Variants in TIMM23 observed in about 807,000 individuals in gnomAD.
The protein encoded by TIMM23 is mitochondrial import inner membrane translocase subunit Tim23.
A neutral mutation model predicts 30.7 loss-of-function variants in TIMM23; 19 were observed. The ratio of observed to expected loss-of-function variants is 0.62; its 90% CI spans 0.43 to 0.91. The LOEUF is 0.91. Ranked by LOEUF, TIMM23 falls within the 40% of genes least tolerant of loss-of-function variation. TIMM23 has a pLI of 0.00. For synonymous variants in TIMM23, 78 were observed against 98.5 expected (o/e 0.79, Z 1.23); for missense variants, 202 against 269.2 (o/e 0.75, Z 1.75).
chr10:45,987,486 C>G (rs1371669517), intron 5 of TIMM23, among the ~76,000 whole-genome samples: 2 of 152,140 alleles, frequency 1.3e-5, no homozygotes, highest in Non-Finnish European at 2.9e-5. Flanking sequence ...GGTTATTTTA[C>G]CTGTGCTTCT....
chr10:46,001,864 G>A (rs1161607411), intron 6 of TIMM23, among the ~76,000 whole-genome samples: 3 of 152,152 alleles, frequency 2.0e-5, no homozygotes, highest in Admixed American at 6.5e-5. Flanking sequence ...ATAACCATAA[G>A]CAGTTAGGCC....
intron 1 of TIMM23, among the ~76,000 whole-genome samples, chr10:45,973,464 GA>G (rs1242787427): frequency 6.6e-6 from 1 of 152,070 alleles, no homozygotes; most frequent in East Asian, 1.9e-4. Flanking sequence ...AAGCCTTTAC[GA>G]AAGTACTTTC....
intron 1 of TIMM23, 149 bp downstream of exon 1, chr10:45,972,879 G>A: frequency 7.0e-7 from 1 of 1,434,670 alleles, no homozygotes; most frequent in Non-Finnish European, 9.3e-7. Context: ...GTATCTGCAT[G>A]GCTGCTCTTT....
intron 6 of TIMM23, among the ~76,000 whole-genome samples, chr10:45,994,010 T>G (rs1838251852): frequency 6.6e-6 from 1 of 151,854 alleles, no homozygotes; most frequent in African/African-American, 2.4e-5. Flanking sequence ...TGAAATGAAA[T>G]GATGAAGTAA....
intron 6 of TIMM23, among the ~76,000 whole-genome samples, chr10:45,994,213 C>T (rs1590127289): frequency 6.6e-6 from 1 of 151,952 alleles, no homozygotes; most frequent in Non-Finnish European, 1.5e-5. Context: ...ATAGCGGGTG[C>T]CTGTAATCCC....
In TIMM23 at chr10:45,999,396, A is replaced by G. The variant is rs947597826; in HGVS notation, c.515-3807A>G. On this transcript the variant is annotated intron_variant, in intron 6 of 6. Coordinates refer to ENST00000580018, the MANE Select transcript of TIMM23 (RefSeq NM_006327.4). ...TTTCTATTTTCCTTAAGCGTCAGCC[A>G]GCTTGAGAAATAAAGGGACAGGGTA... is the stretch of plus-strand genomic sequence containing the variant. Among the ~76,000 whole-genome samples, 720 of 152,206 alleles carry G rather than the reference A, an allele frequency of 4.7e-3. 5 individuals are homozygous for G. The highest frequency in any genetic ancestry group is 0.019 in the East Asian group (97 of 5,166).
intron 6 of TIMM23, chr10:45,992,380 C>T (rs1311729751): frequency 2.2e-6 from 1 of 455,398 alleles, no homozygotes; most frequent in Non-Finnish European, 4.4e-6. Flanking sequence ...TGTCCTAGAT[C>T]TCTTTGAGGG....
intron 6 of TIMM23, among the ~76,000 whole-genome samples, chr10:45,991,381 G>C (rs1441813510): frequency 1.3e-5 from 2 of 152,202 alleles, no homozygotes; most frequent in African/African-American, 4.8e-5. Context: ...AAATAGATTG[G>C]AGGTAGAAGC....
intron 6 of TIMM23, among the ~76,000 whole-genome samples, chr10:46,001,099 C>G (rs1838518975): frequency 6.6e-6 from 1 of 152,228 alleles, no homozygotes; most frequent in African/African-American, 2.4e-5. Flanking sequence ...ACTTTCAGCT[C>G]TGCAGCTTTT....
At chr10:45,985,506 T>G in intron 5 of TIMM23, 65 bp downstream of exon 5, 1 of 1,583,540 alleles carries the variant, frequency 6.3e-7, no homozygotes, top group Non-Finnish European at 8.7e-7. Context: ...CATGAACAAT[T>G]TGATCAACCC....
chr10:45,985,282 C>T (rs1397626755), intron 4 of TIMM23, 101 bp from the exon 5 acceptor site: 21 of 1,335,204 alleles, frequency 1.6e-5, no homozygotes, highest in East Asian at 6.9e-5. Flanking sequence ...AAAAACTTTG[C>T]GCCCTGGGTC....
intron 2 of TIMM23, among the ~76,000 whole-genome samples, chr10:45,977,802 T>C (rs35282847): frequency 1.3e-5 from 2 of 151,872 alleles, no homozygotes; most frequent in African/African-American, 4.8e-5. Flanking sequence ...GAGGCTGAGG[T>C]GGGTAGATCA....
Position 45,978,959 on chromosome 10 carries a change from AAAAG to A in TIMM23, c.165+3450_165+3453del, listed in dbSNP as rs1223551997. Reference sequence around the variant, plus strand: ...CAATGGAATATTATTTGGTAATAAAAAAAGAATTATTAAATTGTGCTACAATATA... The same window carrying A: ...CAATGGAATATTATTTGGTAATAAAAAATTATTAAATTGTGCTACAATATA... On this transcript the variant is annotated intron_variant, in intron 2 of 6. Transcript: ENST00000580018. 2.0e-4 allele frequency among the ~76,000 whole-genome samples: 30 copies of A among 152,374 alleles called. 1 individual carries two copies. In the East Asian group the frequency reaches 5.4e-3, roughly 27 times the overall value.
At chr10:45,973,798 C>T (rs1837576705) in intron 1 of TIMM23, among the ~76,000 whole-genome samples, 1 of 148,444 alleles carries the variant, frequency 6.7e-6, no homozygotes, top group South Asian at 2.1e-4. Context: ...TACGTACCAC[C>T]ACGCCTGGCT....
At chr10:45,991,907 C>T (rs1297355686) in intron 6 of TIMM23, among the ~76,000 whole-genome samples, 1 of 151,866 alleles carries the variant, frequency 6.6e-6, no homozygotes, top group African/African-American at 2.4e-5. Flanking sequence ...TCCCTCACCA[C>T]TGCCCCCATC....
At chr10:45,973,800 C>A (rs1386323054) in intron 1 of TIMM23, among the ~76,000 whole-genome samples, 2 of 146,642 alleles carry the variant, frequency 1.4e-5, no homozygotes, top group Admixed American at 1.3e-4. Context: ...CGTACCACCA[C>A]GCCTGGCTAA....
At chr10:45,995,732 CAG>C (rs1838307577) in intron 6 of TIMM23, among the ~76,000 whole-genome samples, 1 of 134,144 alleles carries the variant, frequency 7.5e-6, no homozygotes, top group Non-Finnish European at 1.6e-5. Context: ...CTGTCTCACT[CAG>C]AGTTCTGTTT....
chr10:46,003,472 A>C lies in TIMM23; in HGVS notation c.*154A>C. The C allele has an allele frequency of 1.7e-6, 1 of 579,704 alleles. No homozygotes were observed. Among genetic ancestry groups the C allele is most frequent in the Admixed American group, 3.1e-5 (1 of 31,880 alleles). 35.9% of individuals were successfully genotyped at this position (579,704 alleles called of 1,614,324 possible). A position where few individuals can be genotyped will look rare whatever the true frequency, so the allele number is the denominator to read the frequency against. On this transcript the variant is annotated 3_prime_UTR_variant, in exon 7 of 7. Transcript: ENST00000580018. ...GATGAAAATCCTGGATGGCTGACCAAGACTGGCACTTGTTCCAGCCATTAG... is the reference window on the plus strand; with the variant it reads ...GATGAAAATCCTGGATGGCTGACCACGACTGGCACTTGTTCCAGCCATTAG...
At position 46,003,568 on chromosome 10, in the gene TIMM23, C is replaced by T. The variant is rs536541984; in HGVS notation, c.*250C>T. The T allele has an allele frequency of 1.5e-5, 5 of 329,268 alleles. No individual in the cohort carries two copies. The East Asian group carries it at 1.7e-4, about 11-fold the overall frequency. 20.4% of individuals were successfully genotyped at this position (329,268 alleles called of 1,614,324 possible). ...TCTGTTCTCCTCTGGAGATCTTGCA[C>T]GTATCTGTTTTCCTCCCCCATGAAC... is the stretch of plus-strand genomic sequence containing the variant. On this transcript the variant is annotated 3_prime_UTR_variant, in exon 7 of 7. Transcript: ENST00000580018.
Sources: allele counts gnomAD v4.1 joint callset (sites outside exome capture counted in the v4.1 genomes callset), GRCh38; gene constraint gnomAD v4.1.1; transcripts MANE v1.5; gene names NCBI Gene and HGNC (gene_info 2026-07-23, HGNC 2026-07-21).